XIRP2: variants seen among roughly 807,000 people sequenced by gnomAD.
XIRP2 encodes the protein xin actin binding repeat containing 2, also known as xin actin-binding repeat-containing protein 2.
XIRP2 carries 236 observed loss-of-function variants against 277.0 expected under a neutral mutation model. The observed-to-expected ratio is 0.85, with a 90% CI of 0.77 to 0.95. XIRP2 has a LOEUF of 0.95. XIRP2 is among the 40% of genes least tolerant of loss of function. XIRP2 has a pLI of 0.00. For missense variants in XIRP2, 4,640 were observed against 4,157.5 expected (o/e 1.12, Z -3.19); for synonymous variants, 1,490 against 1,416.5 (o/e 1.05, Z -1.17).
intron 5 of XIRP2, among the ~76,000 whole-genome samples, chr2:167,230,871 T>C (rs1694728006): frequency 6.6e-6 from 1 of 152,092 alleles, no homozygotes; most frequent in Non-Finnish European, 1.5e-5. Context: ...GCGAAGATAC[T>C]GAGACTGAAA....
chr2:167,237,619 C>T (rs765721616), intron 5 of XIRP2, among the ~76,000 whole-genome samples: 4 of 152,042 alleles, frequency 2.6e-5, no homozygotes, highest in East Asian at 1.9e-4. Flanking sequence ...TTACCTAATT[C>T]GAAACTTTAA....
intron 2 of XIRP2, among the ~76,000 whole-genome samples, chr2:167,043,595 A>G (rs916989521): frequency 5.3e-5 from 8 of 152,106 alleles, no homozygotes; most frequent in Non-Finnish European, 1.0e-4. Context: ...AACCTAGAAG[A>G]AATAGATAAA....
intron 2 of XIRP2, among the ~76,000 whole-genome samples, chr2:167,124,785 A>G (rs1428479599): frequency 2.6e-5 from 4 of 152,170 alleles, no homozygotes; most frequent in African/African-American, 9.7e-5. Context: ...ATTTCTATAG[A>G]AAATGGTGGC....
intron 2 of XIRP2, among the ~76,000 whole-genome samples, chr2:167,082,844 C>T (rs1017227411): frequency 6.6e-6 from 1 of 152,060 alleles, no homozygotes; most frequent in African/African-American, 2.4e-5. Flanking sequence ...TGGATATTAG[C>T]CCTTTGTCAG....
At chr2:167,077,702 C>T (rs758442424) in intron 2 of XIRP2, among the ~76,000 whole-genome samples, 3 of 152,042 alleles carry the variant, frequency 2.0e-5, no homozygotes, top group Non-Finnish European at 4.4e-5. Flanking sequence ...AGTGCTAAGG[C>T]CTGAAGGCAG....
intron 3 of XIRP2, among the ~76,000 whole-genome samples, chr2:167,142,334 A>G (rs1041565793): frequency 1.1e-4 from 17 of 152,132 alleles, no homozygotes; most frequent in African/African-American, 3.9e-4. Flanking sequence ...CAGATCATGA[A>G]GTCAGGAGTT....
At chr2:167,121,428 A>G (rs1032913608) in intron 2 of XIRP2, among the ~76,000 whole-genome samples, 1 of 152,190 alleles carries the variant, frequency 6.6e-6, no homozygotes, top group Non-Finnish European at 1.5e-5. Flanking sequence ...GAAAACAGAG[A>G]AAGAAAACAC....
chr2:167,014,362 T>C (rs1385894484), intron 2 of XIRP2, among the ~76,000 whole-genome samples: 1 of 151,526 alleles, frequency 6.6e-6, no homozygotes, highest in Non-Finnish European at 1.5e-5. Context: ...CAACAATAGA[T>C]ATAAAAAGAT....
chr2:167,224,654 T>C (rs140521001), intron 5 of XIRP2, among the ~76,000 whole-genome samples: 135 of 152,326 alleles, frequency 8.9e-4, no homozygotes, highest in Admixed American at 2.0e-3. Context: ...AAAATGTCCA[T>C]ATAAATCTTT....
chr2:167,020,159 A>G (rs1687940867), intron 2 of XIRP2, among the ~76,000 whole-genome samples: 1 of 151,964 alleles, frequency 6.6e-6, no homozygotes, highest in Non-Finnish European at 1.5e-5. Context: ...AAAATTCAAA[A>G]CGAAAAGAGA....
At chr2:166,904,713 G>A (rs1372821081) in intron 2 of XIRP2, among the ~76,000 whole-genome samples, 1 of 152,012 alleles carries the variant, frequency 6.6e-6, no homozygotes, top group Non-Finnish European at 1.5e-5. Flanking sequence ...GTTGAATTTT[G>A]CAAAGAATTA....
chr2:167,014,113 C>G (rs1252402977), intron 2 of XIRP2, among the ~76,000 whole-genome samples: 1 of 151,242 alleles, frequency 6.6e-6, no homozygotes, highest in South Asian at 2.1e-4. Flanking sequence ...GCTCTTATCC[C>G]CCTCTTTTTA....
intron 2 of XIRP2, among the ~76,000 whole-genome samples, chr2:167,070,526 A>G (rs983882821): frequency 2.0e-5 from 3 of 152,182 alleles, no homozygotes; most frequent in Non-Finnish European, 4.4e-5. Flanking sequence ...TTTTTCATGT[A>G]TTGTAAATTT....
chr2:167,155,347 A>G (rs1348143271), intron 3 of XIRP2, among the ~76,000 whole-genome samples: 1 of 151,892 alleles, frequency 6.6e-6, no homozygotes, highest in East Asian at 1.9e-4. Flanking sequence ...AAAATCCTCA[A>G]TAAAATACTG....
intron 2 of XIRP2, among the ~76,000 whole-genome samples, chr2:167,076,759 G>A (rs1558970473): frequency 6.6e-6 from 1 of 152,282 alleles, no homozygotes; most frequent in African/African-American, 2.4e-5. Flanking sequence ...GCAGGGAAAA[G>A]GGATGTTAAG....
At chr2:166,936,633 C>G (rs1164336881) in intron 2 of XIRP2, among the ~76,000 whole-genome samples, 1 of 152,186 alleles carries the variant, frequency 6.6e-6, no homozygotes. Flanking sequence ...CTACATATGG[C>G]TAGCCAGTTG....
At chr2:167,000,304 AT>A in intron 2 of XIRP2, among the ~76,000 whole-genome samples, 1 of 152,240 alleles carries the variant, frequency 6.6e-6, no homozygotes, top group Middle Eastern at 3.4e-3. Context: ...TGATTGTTTC[AT>A]GGGTTTCATA....
At chr2:167,226,366 C>A (rs1203146670) in intron 5 of XIRP2, among the ~76,000 whole-genome samples, 1 of 152,102 alleles carries the variant, frequency 6.6e-6, no homozygotes. Context: ...TACCCACATC[C>A]ACCTTCCCTA....
chr2:167,190,884 T>C (rs1224921124), intron 3 of XIRP2, among the ~76,000 whole-genome samples: 1 of 152,012 alleles, frequency 6.6e-6, no homozygotes, highest in African/African-American at 2.4e-5. Context: ...GGTAGAATAG[T>C]TTTCCTTTTT....
Sources: gnomAD v4.1 joint callset for allele counts (sites outside exome capture counted in the v4.1 genomes callset) on GRCh38, gnomAD v4.1.1 for gene constraint, MANE v1.5 for transcripts, NCBI Gene and HGNC (gene_info 2026-07-23, HGNC 2026-07-21) for gene names.